ADGRL2: variants seen among roughly 807,000 people sequenced by gnomAD.
ADGRL2 encodes the protein calcium-independent alpha-latrotoxin receptor 2.
Under a neutral mutation model 157.4 loss-of-function variants are expected in ADGRL2, and 44 were observed. The ratio of observed to expected loss-of-function variants is 0.28; its 90% CI spans 0.22 to 0.36. The LOEUF is 0.36. Ranked by LOEUF, ADGRL2 falls within the 10% of genes least tolerant of loss-of-function variation. ADGRL2 has a pLI of 1.00. For missense variants in ADGRL2, 1,510 were observed against 1,768.9 expected (o/e 0.85, Z 2.63); for synonymous variants, 585 against 624.7 (o/e 0.94, Z 0.95).
At chr1:81,522,534 T>C (rs2079345079) in intron 2 of ADGRL2, among the ~76,000 whole-genome samples, 1 of 152,160 alleles carries the variant, frequency 6.6e-6, no homozygotes, top group South Asian at 2.1e-4. Flanking sequence ...CAGCAGCACA[T>C]ATCAAGGAGG....
chr1:81,961,810 A>G (rs997751327), intron 11 of ADGRL2, among the ~76,000 whole-genome samples: 2 of 152,142 alleles, frequency 1.3e-5, no homozygotes, highest in African/African-American at 4.8e-5. Flanking sequence ...GCACATGGCC[A>G]TAATTGTATA....
At chr1:81,412,247 T>A (rs932695367) in intron 1 of ADGRL2, among the ~76,000 whole-genome samples, 2 of 152,220 alleles carry the variant, frequency 1.3e-5, no homozygotes, top group Non-Finnish European at 2.9e-5. Context: ...AGGCAGTGCA[T>A]GTAACCACCA....
chr1:81,757,052 T>C (rs1414338595), intron 1 of ADGRL2, among the ~76,000 whole-genome samples: 1 of 152,156 alleles, frequency 6.6e-6, no homozygotes, highest in East Asian at 1.9e-4. Flanking sequence ...TGTTTCTCTG[T>C]AGCTAATGTT....
In ADGRL2 at chr1:81,835,768, G is replaced by A. The variant is rs557788794; in HGVS notation, c.-100-1117G>A. Among the ~76,000 whole-genome samples the A allele has an allele frequency of 6.0e-4, 92 of 152,136 alleles. 1 individual carries two copies. The highest frequency in any genetic ancestry group is 1.6e-3 in the Admixed American group (24 of 15,264). The stretch of plus-strand genomic sequence containing the variant: ...ACTTGGGCCAATTCTGGGTCATAGA[G>A]GGATCCTTAGGGAAGCATTTACATC... On this transcript the variant is annotated intron_variant, in intron 1 of 23. Transcript: ENST00000686636.
At chr1:81,362,344 C>T (rs4512695) in intron 1 of ADGRL2, among the ~76,000 whole-genome samples, 77,176 of 151,436 alleles carry the variant, frequency 0.51, 21,665 homozygotes, top group East Asian at 0.72. Flanking sequence ...CCAAAGAACT[C>T]TTTTCATTAT....
chr1:81,485,502 T>C (rs981710880), intron 2 of ADGRL2, among the ~76,000 whole-genome samples: 10 of 152,326 alleles, frequency 6.6e-5, no homozygotes, highest in South Asian at 6.2e-4. Flanking sequence ...TATTTCTTTG[T>C]ATATATAAAT....
intron 2 of ADGRL2, among the ~76,000 whole-genome samples, chr1:81,781,631 C>G (rs2086816963): frequency 6.6e-6 from 1 of 152,138 alleles, no homozygotes; most frequent in African/African-American, 2.4e-5. Context: ...AGGAAGATAT[C>G]ACATACACAC....
intron 1 of ADGRL2, among the ~76,000 whole-genome samples, chr1:81,727,468 C>T (rs367639216): frequency 1.3e-5 from 2 of 152,044 alleles, no homozygotes; most frequent in South Asian, 2.1e-4. Context: ...GAGTCTTGCT[C>T]CGTCACCAGG....
At chr1:81,395,096 C>T (rs528931896) in intron 1 of ADGRL2, among the ~76,000 whole-genome samples, 38 of 151,964 alleles carry the variant, frequency 2.5e-4, no homozygotes, top group African/African-American at 8.0e-4. Context: ...TTTTTTGTAG[C>T]GACGGGTATT....
At chr1:81,751,991 T>C (rs1392935620) in intron 1 of ADGRL2, among the ~76,000 whole-genome samples, 1 of 152,184 alleles carries the variant, frequency 6.6e-6, no homozygotes, top group Non-Finnish European at 1.5e-5. Context: ...TGTTATAAAG[T>C]TTTATAATAC....
chr1:81,554,170 GTTGT>G (rs899606622), intron 2 of ADGRL2, among the ~76,000 whole-genome samples: 2 of 152,200 alleles, frequency 1.3e-5, no homozygotes, highest in Non-Finnish European at 2.9e-5. Flanking sequence ...AGAGGTATTT[GTTGT>G]TTGTCATAAT....
intron 3 of ADGRL2, among the ~76,000 whole-genome samples, chr1:81,606,944 T>A (rs527876999): frequency 6.6e-6 from 1 of 152,334 alleles, no homozygotes; most frequent in African/African-American, 2.4e-5. Context: ...TGCCTCTCGA[T>A]TATTTAATGT....
intron 10 of ADGRL2, among the ~76,000 whole-genome samples, chr1:81,953,488 T>C (rs1044989309): frequency 2.0e-5 from 3 of 152,178 alleles, no homozygotes; most frequent in African/African-American, 7.2e-5. Flanking sequence ...TTAGGAGTCA[T>C]TTCTAGAATC....
chr1:81,580,508 A>G (rs889452097), intron 2 of ADGRL2, among the ~76,000 whole-genome samples: 1 of 152,084 alleles, frequency 6.6e-6, no homozygotes, highest in Admixed American at 6.6e-5. Flanking sequence ...GGGGGCCTTG[A>G]TGAAGCCAAG....
chr1:81,865,808 T>A (rs1336039369), intron 2 of ADGRL2, among the ~76,000 whole-genome samples: 1 of 152,224 alleles, frequency 6.6e-6, no homozygotes, highest in Non-Finnish European at 1.5e-5. Flanking sequence ...AAAAATGTTC[T>A]GCATAATTGT....
chr1:81,899,269 A>G (rs191803339), intron 2 of ADGRL2, among the ~76,000 whole-genome samples: 3 of 152,336 alleles, frequency 2.0e-5, no homozygotes. Context: ...TTGTCAGAGC[A>G]GCATATTTTC....
intron 3 of ADGRL2, among the ~76,000 whole-genome samples, chr1:81,612,687 C>T (rs1234526928): frequency 6.6e-6 from 1 of 151,422 alleles, no homozygotes; most frequent in East Asian, 1.9e-4. Context: ...AATAATATAT[C>T]AAAAAGAGAA....
intron 3 of ADGRL2, among the ~76,000 whole-genome samples, chr1:81,907,873 T>C (rs2094618435): frequency 6.6e-6 from 1 of 152,180 alleles, no homozygotes; most frequent in Admixed American, 6.5e-5. Flanking sequence ...TATTCACCAT[T>C]GTAGTATCAT....
At chr1:81,942,576 G>C (rs963449790) in intron 5 of ADGRL2, among the ~76,000 whole-genome samples, 4 of 151,796 alleles carry the variant, frequency 2.6e-5, no homozygotes, top group Non-Finnish European at 5.9e-5. Flanking sequence ...GCTTTTAGGG[G>C]CTCATAGGTG....
Sources: gnomAD v4.1 joint callset for allele counts (sites outside exome capture counted in the v4.1 genomes callset) on GRCh38, gnomAD v4.1.1 for gene constraint, MANE v1.5 for transcripts, NCBI Gene and HGNC (gene_info 2026-07-23, HGNC 2026-07-21) for gene names.